CLPP: variants seen among roughly 807,000 people sequenced by gnomAD.
The protein encoded by CLPP is caseinolytic mitochondrial matrix peptidase proteolytic subunit.
Under a neutral mutation model 27.4 loss-of-function variants are expected in CLPP, and 14 were observed. That is an observed-to-expected ratio of 0.51 (90% CI 0.34 to 0.80). The LOEUF (loss-of-function observed/expected upper bound fraction) is 0.80. Ranked by LOEUF, CLPP falls within the 30% of genes least tolerant of loss-of-function variation. The probability of loss-of-function intolerance (pLI) is 0.02; values close to 1 mark genes in which losing one functional copy is unlikely to be tolerated. For synonymous variants in CLPP, 193 were observed against 166.6 expected, an observed-to-expected ratio of 1.16 and a Z score of -1.22; for missense variants, 361 against 403.6, an observed-to-expected ratio of 0.89 and a Z score of 0.90.
At chr19:6,362,246 C>T in intron 2 of CLPP, 200 bp from the exon 3 acceptor site, 1 of 595,778 alleles carries the variant, frequency 1.7e-6, no homozygotes, top group South Asian at 2.0e-5. Context: ...AGCCCCCTGA[C>T]TCCCCCCTTC....
chr19:6,364,531 C>T lies in CLPP; in HGVS notation c.447C>T (p.Gly149=). Reference sequence around the variant, plus strand: ...ACCCGATCTGCACCTGGTGCGTGGGCCAGGCCGCCAGCATGGGCTCCCTGC... The same window carrying T: ...ACCCGATCTGCACCTGGTGCGTGGGTCAGGCCGCCAGCATGGGCTCCCTGC... ...ILNPICTWCV[G]QAASMGSLLL... Residue 149 remains glycine (G), a synonymous_variant, in exon 4 of 6, where the codon GGC becomes GGT. Coordinates refer to ENST00000245816, the MANE Select transcript of CLPP (RefSeq NM_006012.4). The T allele has an allele frequency of 6.2e-7, 1 of 1,612,802 alleles. No homozygotes were observed. The highest frequency in any genetic ancestry group is 8.5e-7 in the Non-Finnish European group (1 of 1,179,776).
In CLPP at chr19:6,368,755, T is replaced by C; in HGVS notation, c.*45T>C. The C allele has an allele frequency of 6.6e-7, 1 of 1,522,422 alleles. No homozygotes were observed. Among genetic ancestry groups the C allele is most frequent in the Non-Finnish European group, 8.9e-7 (1 of 1,129,258 alleles). The allele number at this position is 1,522,422 out of a possible 1,614,324, so 94.3% of individuals were successfully genotyped here. ...GAATCATGTGGAGGGGCCAGAGGCC[T>C]GCCAGACCCCCAGCTGGGCCCTGCT... On this transcript the variant is annotated 3_prime_UTR_variant, in exon 6 of 6. Transcript: ENST00000245816.
Position 6,368,832 on chromosome 19 carries a change from A to G in CLPP, c.*122A>G. 1 of 835,032 alleles carries G rather than the reference A, an allele frequency of 1.2e-6. No individual in the cohort carries two copies. Among genetic ancestry groups the G allele is most frequent in the East Asian group, 2.7e-5 (1 of 37,458 alleles). 51.7% of individuals were successfully genotyped at this position (835,032 alleles called of 1,614,324 possible). On this transcript the variant is annotated 3_prime_UTR_variant, in exon 6 of 6. Transcript: ENST00000245816. The stretch of plus-strand genomic sequence containing the variant: ...GCCTCTTGAGGAACTTTTAATTTGC[A>G]GGGGTGCCCGCTATGGACGGGGCAT...
rs182248653 is a variant in CLPP, at chr19:6,364,279, C to T, written c.368-173C>T. On this transcript the variant is annotated intron_variant, in intron 3 of 5. Coordinates refer to ENST00000245816, the MANE Select transcript of CLPP (RefSeq NM_006012.4). ...TTTCCTGACCTTGTGATCCGCCTGC[C>T]TCAGCCTCCCAAAGTGCTGGGATTG... Among the ~76,000 whole-genome samples, 1,816 of 152,164 alleles carry T rather than the reference C, an allele frequency of 0.012. 31 individuals carry two copies. The highest frequency in any genetic ancestry group is 0.018 in the Non-Finnish European group (1,211 of 68,004).
rs759402516 is a variant in CLPP, at chr19:6,361,742, C to G, written c.168C>G (p.Leu56=). 2 of 1,521,224 alleles carry G rather than the reference C, an allele frequency of 1.3e-6. No homozygotes were observed. Among genetic ancestry groups the G allele is most frequent in the African/African-American group, 1.4e-5 (1 of 73,092 alleles). 94.2% of individuals were successfully genotyped at this position (1,521,224 alleles called of 1,614,324 possible). A position where few individuals can be genotyped will look rare whatever the true frequency, so the allele number is the denominator to read the frequency against. ...TGCACGCGACGGCGACCCGGGCTCT[C>G]CCGCTCATTCCCATCGTGGTGGAGC... The part of the protein sequence containing the change: ...RCLHATATRA[L]PLIPIVVEQT... Residue 56 remains leucine, a synonymous_variant, in exon 1 of 6, where the codon CTC becomes CTG. Coordinates refer to ENST00000245816, the MANE Select transcript of CLPP (RefSeq NM_006012.4).
At chr19:6,363,039 C>T (rs745904881) in intron 3 of CLPP, among the ~76,000 whole-genome samples, 3 of 151,908 alleles carry the variant, frequency 2.0e-5, no homozygotes, top group Admixed American at 6.6e-5. Context: ...GTAGTGAGCC[C>T]ATCTCAAAAA....
Position 6,369,310 on chromosome 19 carries a change from G to A in CLPP, c.*600G>A, listed in dbSNP as rs146859309. On this transcript the variant is annotated 3_prime_UTR_variant, in exon 6 of 6. Transcript: ENST00000245816. Reference sequence around the variant, plus strand: ...GTGCACCTGTAATCCCAGCTACTCCGGAGGCTGAGGCAGAAGAATTGCTTG... The same window carrying A: ...GTGCACCTGTAATCCCAGCTACTCCAGAGGCTGAGGCAGAAGAATTGCTTG... Among the ~76,000 whole-genome samples the A allele has an allele frequency of 5.7e-3, 869 of 152,128 alleles. 4 individuals carry two copies. The highest frequency in any genetic ancestry group is 0.02 in the African/African-American group (842 of 41,482).
chr19:6,368,484 G>C, intron 5 of CLPP, 54 bp from the exon 6 acceptor site: 1 of 1,590,364 alleles, frequency 6.3e-7, no homozygotes, highest in Non-Finnish European at 8.6e-7. Flanking sequence ...CCCAGACCTG[G>C]CCCTGGGTCT....
At position 6,368,768 on chromosome 19, in the gene CLPP, G is replaced by C. The variant is rs745550036; in HGVS notation, c.*58G>C. The C allele has an allele frequency of 3.4e-6, 5 of 1,485,094 alleles. No homozygotes were observed. Among genetic ancestry groups the C allele is most frequent in the Admixed American group, 2.1e-5 (1 of 47,254 alleles). 92.0% of individuals were successfully genotyped at this position (1,485,094 alleles called of 1,614,324 possible). On this transcript the variant is annotated 3_prime_UTR_variant, in exon 6 of 6. Transcript: ENST00000245816. The stretch of plus-strand genomic sequence containing the variant: ...GGGCCAGAGGCCTGCCAGACCCCCA[G>C]CTGGGCCCTGCTCACCCCTTGTTGC...
rs544253935 is a variant in CLPP at position 6,369,924 on chromosome 19, G to T, written c.*1214G>T. On this transcript the variant is annotated 3_prime_UTR_variant, in exon 6 of 6. Transcript: ENST00000245816. ...AGGATGACTATGACTCCTGAGGAGT[G>T]CACCATGAGCAGAAACTGGAGAGCA... is the stretch of plus-strand genomic sequence containing the variant. Among the ~76,000 whole-genome samples, 1 of 152,344 alleles carries T rather than the reference G, an allele frequency of 6.6e-6. No individual in the cohort carries two copies. The highest frequency in any genetic ancestry group is 6.5e-5 in the Admixed American group (1 of 15,300).
chr19:6,366,194 C>T (rs2145052954), intron 4 of CLPP, 64 bp from the exon 5 acceptor site: 1 of 1,142,374 alleles, frequency 8.8e-7, no homozygotes, highest in South Asian at 1.3e-5. Context: ...CACCTCCAGC[C>T]TCCCTGTGAG....
rs1173793624 is a variant in CLPP, at chr19:6,369,925, C to T, written c.*1215C>T. 1.3e-5 allele frequency among the ~76,000 whole-genome samples: 2 copies of T among 152,220 alleles called. No homozygotes were observed. Among genetic ancestry groups the T allele is most frequent in the East Asian group, 3.9e-4 (2 of 5,174 alleles). On this transcript the variant is annotated 3_prime_UTR_variant, in exon 6 of 6. Transcript: ENST00000245816. ...GGATGACTATGACTCCTGAGGAGTG[C>T]ACCATGAGCAGAAACTGGAGAGCAG...
intron 4 of CLPP, 166 bp downstream of exon 4, chr19:6,364,805 T>C: frequency 1.6e-6 from 1 of 642,830 alleles, no homozygotes; most frequent in Non-Finnish European, 2.6e-6. Flanking sequence ...CTCGGCTCAC[T>C]GCAAGCTCCG....
rs555716661 is a variant in CLPP, at chr19:6,362,252, C to A, written c.271-194C>A. The A allele has an allele frequency of 2.8e-4, 171 of 604,132 alleles. 1 individual carries two copies. Among genetic ancestry groups the A allele is most frequent in the South Asian group, 1.5e-3 (76 of 50,624 alleles). 37.4% of individuals were successfully genotyped at this position (604,132 alleles called of 1,614,324 possible). On this transcript the variant is annotated intron_variant, in intron 2 of 5. Coordinates refer to ENST00000245816, the MANE Select transcript of CLPP (RefSeq NM_006012.4). ...TGTGTCCCTAGCCCCCTGACTCCCC[C>A]CTTCCTGTGCTCCAAACCCCCTGGG... is the stretch of plus-strand genomic sequence containing the variant.
Position 6,364,435 on chromosome 19 carries a change from T to C in CLPP, c.368-17T>C. On this transcript the variant is annotated splice_polypyrimidine_tract_variant and intron_variant, in intron 3 of 5. Coordinates refer to ENST00000245816, the MANE Select transcript of CLPP (RefSeq NM_006012.4). ...GGGGGAGCTGGTCCAGCCCCTCACT[T>C]GCTCCCCCGCCCACAGGTGGTGTGG... is the stretch of plus-strand genomic sequence containing the variant. 2.5e-6 allele frequency: 4 copies of C among 1,597,350 alleles called. No individual in the cohort carries two copies. Among genetic ancestry groups the C allele is most frequent in the Non-Finnish European group, 3.4e-6 (4 of 1,173,694 alleles).
At position 6,368,842 on chromosome 19, in the gene CLPP, G is replaced by C. The variant is rs867697571; in HGVS notation, c.*132G>C. 3 of 738,384 alleles carry C rather than the reference G, an allele frequency of 4.1e-6. No individual in the cohort carries two copies. Among genetic ancestry groups the C allele is most frequent in the African/African-American group, 1.8e-5 (1 of 56,354 alleles). 45.7% of individuals were successfully genotyped at this position (738,384 alleles called of 1,614,324 possible). On this transcript the variant is annotated 3_prime_UTR_variant, in exon 6 of 6. Transcript: ENST00000245816. ...GAACTTTTAATTTGCAGGGGTGCCC[G>C]CTATGGACGGGGCATTCCAGCTGAG...
At chr19:6,366,397 G>A (rs753243586) in intron 5 of CLPP, 34 bp downstream of exon 5, 1 of 1,490,734 alleles carries the variant, frequency 6.7e-7, no homozygotes, top group South Asian at 1.2e-5. Context: ...CCTGGTCCGT[G>A]CACAGACGGA....
intron 2 of CLPP, chr19:6,362,161 C>G (rs969086244): frequency 6.6e-6 from 4 of 602,092 alleles, no homozygotes; most frequent in Non-Finnish European, 8.9e-6. Context: ...CTTCCTGACA[C>G]CTGGCACCGC....
At position 6,366,250 on chromosome 19, in the gene CLPP, T is replaced by G; in HGVS notation, c.556-8T>G. On this transcript the variant is annotated splice_region_variant and splice_polypyrimidine_tract_variant and intron_variant, in intron 4 of 5. Transcript: ENST00000245816. ...CTTTACCCCCTCACTCCCTTGGACGTCCCTCAGGGCCAAGCCACAGACATT... is the reference window on the plus strand; with the variant it reads ...CTTTACCCCCTCACTCCCTTGGACGGCCCTCAGGGCCAAGCCACAGACATT... 3 of 1,602,258 alleles carry G rather than the reference T, an allele frequency of 1.9e-6. No homozygotes were observed. The highest frequency in any genetic ancestry group is 2.6e-6 in the Non-Finnish European group (3 of 1,172,188).
Sources: allele counts gnomAD v4.1 joint callset (sites outside exome capture counted in the v4.1 genomes callset), GRCh38; gene constraint gnomAD v4.1.1; transcripts MANE v1.5; gene names NCBI Gene and HGNC (gene_info 2026-07-23, HGNC 2026-07-21).